The following YAP1 variants were observed in gnomAD, a reference collection of about 807,000 sequenced individuals.
YAP1 encodes transcriptional coactivator YAP1.
YAP1 carries 5 observed loss-of-function variants against 56.9 expected under a neutral mutation model. The observed-to-expected ratio is 0.09, with a 90% CI of 0.05 to 0.18. The LOEUF (loss-of-function observed/expected upper bound fraction) is 0.18, where lower values mean the gene tolerates loss of function less well. Ranked by LOEUF, YAP1 falls within the 10% of genes least tolerant of loss-of-function variation. The pLI, the probability that YAP1 is intolerant of heterozygous loss-of-function variation, is 1.00. For synonymous variants in YAP1, 265 were observed against 248.1 expected, an observed-to-expected ratio of 1.07 and a Z score of -0.64; for missense variants, 539 against 651.8, an observed-to-expected ratio of 0.83 and a Z score of 1.88.
At chr11:102,188,797 G>GTAA (rs1948123404) in intron 4 of YAP1, among the ~76,000 whole-genome samples, 1 of 152,124 alleles carries the variant, frequency 6.6e-6, no homozygotes, top group African/African-American at 2.4e-5. Context: ...GCATATCCTG[G>GTAA]TTATTAAGTG....
intron 2 of YAP1, among the ~76,000 whole-genome samples, chr11:102,151,995 G>C (rs566189569): frequency 5.9e-5 from 9 of 152,330 alleles, no homozygotes; most frequent in African/African-American, 2.2e-4. Context: ...GAACACAGCT[G>C]TGTGTCCAGG....
intron 4 of YAP1, among the ~76,000 whole-genome samples, chr11:102,204,031 A>G (rs990604718): frequency 2.6e-5 from 4 of 151,966 alleles, no homozygotes; most frequent in African/African-American, 9.7e-5. Context: ...ATTCTGAGGG[A>G]GGTTGGTCTG....
chr11:102,161,611 T>C (rs1194558360), intron 2 of YAP1, among the ~76,000 whole-genome samples: 1 of 152,126 alleles, frequency 6.6e-6, no homozygotes, highest in Non-Finnish European at 1.5e-5. Context: ...TATATAAGGG[T>C]TTTATTACTT....
intron 3 of YAP1, among the ~76,000 whole-genome samples, chr11:102,178,770 G>T (rs979042868): frequency 6.6e-6 from 1 of 152,084 alleles, no homozygotes; most frequent in Admixed American, 6.6e-5. Flanking sequence ...TGCTATAAAG[G>T]AATAACTGAA....
chr11:102,189,734 A>G (rs1018150542), intron 4 of YAP1, among the ~76,000 whole-genome samples: 1 of 152,206 alleles, frequency 6.6e-6, no homozygotes, highest in Admixed American at 6.5e-5. Context: ...ACACGTGTGT[A>G]TGTGTTACTA....
chr11:102,122,905 A>ACAAAAAAAAAAAAAAAAAAAAAC (rs1334383393), intron 2 of YAP1, among the ~76,000 whole-genome samples: 1 of 150,656 alleles, frequency 6.6e-6, no homozygotes, highest in East Asian at 1.9e-4. Flanking sequence ...CAAAAAAAAA[A>ACAAAAAAAAAAAAAAAAAAAAAC]AAAAAAAAAA....
intron 7 of YAP1, among the ~76,000 whole-genome samples, chr11:102,225,869 A>G (rs1295384215): frequency 3.3e-5 from 5 of 152,218 alleles, no homozygotes; most frequent in Non-Finnish European, 5.9e-5. Flanking sequence ...CTCAAAGCCT[A>G]GTCTAATGCC....
At chr11:102,159,934 G>A (rs115991229) in intron 2 of YAP1, among the ~76,000 whole-genome samples, 12 of 151,652 alleles carry the variant, frequency 7.9e-5, no homozygotes, top group South Asian at 2.1e-4. Flanking sequence ...GAAGAGTAGC[G>A]TCAAGAAATG....
chr11:102,216,121 C>T (rs1280543289), intron 6 of YAP1, among the ~76,000 whole-genome samples: 1 of 152,150 alleles, frequency 6.6e-6, no homozygotes, highest in African/African-American at 2.4e-5. Context: ...GGAGAATGAC[C>T]ATGAAGTTAG....
intron 2 of YAP1, among the ~76,000 whole-genome samples, chr11:102,126,775 G>A (rs1944059787): frequency 6.6e-6 from 1 of 152,204 alleles, no homozygotes; most frequent in Admixed American, 6.5e-5. Context: ...AAGAAGACAA[G>A]AAAATGTGGG....
intron 2 of YAP1, among the ~76,000 whole-genome samples, chr11:102,148,575 C>T (rs1015737278): frequency 6.6e-6 from 1 of 152,114 alleles, no homozygotes; most frequent in African/African-American, 2.4e-5. Flanking sequence ...TCATGATACT[C>T]AGTATTGGTG....
intron 2 of YAP1, among the ~76,000 whole-genome samples, chr11:102,132,553 A>G (rs946003026): frequency 6.6e-6 from 1 of 152,242 alleles, no homozygotes; most frequent in Non-Finnish European, 1.5e-5. Flanking sequence ...ATTGTTAACT[A>G]TAATTGTATC....
At chr11:102,123,015 G>A (rs974170089) in intron 2 of YAP1, among the ~76,000 whole-genome samples, 8 of 150,348 alleles carry the variant, frequency 5.3e-5, no homozygotes, top group South Asian at 2.1e-4. Context: ...TGTTTTTTCC[G>A]CTGGTACTTT....
chr11:102,231,662 T>G lies in YAP1; in HGVS notation c.*1722T>G, dbSNP rs1002565775. The G allele has an allele frequency of 4.3e-4, 66 of 152,608 alleles. No homozygotes were observed. The highest frequency in any genetic ancestry group is 8.8e-4 in the Non-Finnish European group (60 of 68,034). The allele number at this position is 152,608 out of a possible 1,614,324, so 9.5% of individuals were successfully genotyped here. On this transcript the variant is annotated 3_prime_UTR_variant, in exon 9 of 9. Coordinates refer to ENST00000282441, the MANE Select transcript of YAP1 (RefSeq NM_001130145.3). ...TGAATTAACTCTTCAATATAAGCTA[T>G]GAAGTAATAGTTGGTTGTGAATTAA...
chr11:102,128,489 G>GT (rs1260817012), intron 2 of YAP1, among the ~76,000 whole-genome samples: 1 of 152,176 alleles, frequency 6.6e-6, no homozygotes, highest in Non-Finnish European at 1.5e-5. Context: ...ATGTGGAACT[G>GT]TTTAAGTCCA....
intron 2 of YAP1, among the ~76,000 whole-genome samples, chr11:102,116,254 C>T (rs1006595145): frequency 1.3e-5 from 2 of 152,088 alleles, no homozygotes; most frequent in Non-Finnish European, 2.9e-5. Context: ...ACTATTTAGC[C>T]TTTACGTTGT....
At chr11:102,118,904 A>G (rs1295011580) in intron 2 of YAP1, among the ~76,000 whole-genome samples, 1 of 152,122 alleles carries the variant, frequency 6.6e-6, no homozygotes, top group African/African-American at 2.4e-5. Flanking sequence ...ATAAGGCTAT[A>G]CTGTTTCTTT....
chr11:102,207,743 C>T (rs1196516299), intron 5 of YAP1, among the ~76,000 whole-genome samples: 2 of 152,126 alleles, frequency 1.3e-5, no homozygotes, highest in Non-Finnish European at 2.9e-5. Context: ...GACAGGCTCA[C>T]GTTGAAACTG....
At chr11:102,199,134 A>G (rs1352536643) in intron 4 of YAP1, among the ~76,000 whole-genome samples, 3 of 152,166 alleles carry the variant, frequency 2.0e-5, no homozygotes, top group African/African-American at 7.2e-5. Context: ...AAGAGAGAGG[A>G]CTAAGGTTTA....
Sources: gnomAD v4.1 joint callset for allele counts (sites outside exome capture counted in the v4.1 genomes callset) on GRCh38, gnomAD v4.1.1 for gene constraint, MANE v1.5 for transcripts, NCBI Gene and HGNC (gene_info 2026-07-23, HGNC 2026-07-21) for gene names.